Variants in CLSTN2 observed in about 807,000 individuals in gnomAD.
CLSTN2 encodes calsyntenin-2.
A neutral mutation model predicts 101.2 loss-of-function variants in CLSTN2; 48 were observed. That is an observed-to-expected ratio of 0.47 (90% CI 0.38 to 0.60). The LOEUF is 0.60. Among genes scored for constraint, CLSTN2 ranks in the 20% least tolerant of loss-of-function variants. The probability of loss-of-function intolerance (pLI) is 0.00; values close to 1 mark genes in which losing one functional copy is unlikely to be tolerated. For missense variants in CLSTN2, 1,160 were observed against 1,238.2 expected (o/e 0.94, Z 0.95); for synonymous variants, 481 against 463.6 (o/e 1.04, Z -0.48).
intron 1 of CLSTN2, among the ~76,000 whole-genome samples, chr3:140,071,040 A>G (rs2008383143): frequency 6.6e-6 from 1 of 152,196 alleles, no homozygotes. Flanking sequence ...GCCTTATCGA[A>G]TTTCAAATGT....
At chr3:139,939,100 A>T (rs1161175160) in intron 1 of CLSTN2, among the ~76,000 whole-genome samples, 1 of 152,202 alleles carries the variant, frequency 6.6e-6, no homozygotes, top group Admixed American at 6.5e-5. Flanking sequence ...GACACAGGCA[A>T]AGGAGATGGG....
chr3:140,099,968 G>A (rs1475908074), intron 1 of CLSTN2, among the ~76,000 whole-genome samples: 1 of 152,162 alleles, frequency 6.6e-6, no homozygotes, highest in Non-Finnish European at 1.5e-5. Flanking sequence ...ATCAGGTGTT[G>A]CAGGGCAATG....
At chr3:140,265,655 G>C (rs578096139) in intron 2 of CLSTN2, among the ~76,000 whole-genome samples, 1 of 152,294 alleles carries the variant, frequency 6.6e-6, no homozygotes, top group South Asian at 2.1e-4. Flanking sequence ...TGAAATAAAA[G>C]CCAGTTTTAT....
intron 2 of CLSTN2, among the ~76,000 whole-genome samples, chr3:140,369,513 T>C (rs1325069946): frequency 6.6e-6 from 1 of 152,178 alleles, no homozygotes; most frequent in Non-Finnish European, 1.5e-5. Flanking sequence ...GCTTGGGCAA[T>C]GCATTTGCTA....
chr3:140,047,914 G>A (rs2007912306), intron 1 of CLSTN2, among the ~76,000 whole-genome samples: 1 of 152,192 alleles, frequency 6.6e-6, no homozygotes, highest in Non-Finnish European at 1.5e-5. Context: ...TTTTGAAGTG[G>A]CCAAGTAGTC....
intron 2 of CLSTN2, among the ~76,000 whole-genome samples, chr3:140,324,235 C>T (rs1449164026): frequency 6.6e-6 from 1 of 152,134 alleles, no homozygotes; most frequent in African/African-American, 2.4e-5. Flanking sequence ...AATCTTGACC[C>T]TTTGTGTAGA....
intron 1 of CLSTN2, among the ~76,000 whole-genome samples, chr3:140,000,588 C>T (rs1164523089): frequency 6.6e-6 from 1 of 152,132 alleles, no homozygotes; most frequent in African/African-American, 2.4e-5. Context: ...TGTCAGGACC[C>T]AGATGAGTAT....
chr3:139,938,953 T>C (rs1294985675), intron 1 of CLSTN2, among the ~76,000 whole-genome samples: 2 of 152,104 alleles, frequency 1.3e-5, no homozygotes, highest in Non-Finnish European at 2.9e-5. Flanking sequence ...TTTTTTTAAT[T>C]TTTATTATTA....
chr3:140,178,857 G>C (rs965369340), intron 2 of CLSTN2, among the ~76,000 whole-genome samples: 3 of 152,130 alleles, frequency 2.0e-5, no homozygotes, highest in Admixed American at 2.0e-4. Context: ...TTTGTATTGT[G>C]TGTCAGTTTT....
intron 2 of CLSTN2, among the ~76,000 whole-genome samples, chr3:140,207,744 T>G (rs1008037438): frequency 6.6e-6 from 1 of 152,154 alleles, no homozygotes; most frequent in South Asian, 2.1e-4. Context: ...CTGGGTCAAG[T>G]GTATACATCG....
chr3:140,016,430 A>G (rs1251003761), intron 1 of CLSTN2, among the ~76,000 whole-genome samples: 2 of 152,212 alleles, frequency 1.3e-5, no homozygotes, highest in Non-Finnish European at 2.9e-5. Context: ...ATGGATTTGA[A>G]CAGTGAGCAT....
At chr3:140,438,277 A>G (rs867457495) in intron 5 of CLSTN2, among the ~76,000 whole-genome samples, 1 of 130,826 alleles carries the variant, frequency 7.6e-6, no homozygotes, top group South Asian at 2.4e-4. Flanking sequence ...ACCCTCACAC[A>G]TGGGGAATAG....
At chr3:140,030,768 T>C (rs1159436967) in intron 1 of CLSTN2, among the ~76,000 whole-genome samples, 1 of 152,234 alleles carries the variant, frequency 6.6e-6, no homozygotes, top group Non-Finnish European at 1.5e-5. Context: ...AGTTTTGGAA[T>C]TGTTAATTAA....
intron 1 of CLSTN2, among the ~76,000 whole-genome samples, chr3:140,127,853 GT>G (rs2009461370): frequency 6.6e-6 from 1 of 152,098 alleles, no homozygotes; most frequent in Non-Finnish European, 1.5e-5. Context: ...TTTCTCCTAT[GT>G]TATTTATGAG....
At chr3:140,225,210 T>C (rs2086307839) in intron 2 of CLSTN2, among the ~76,000 whole-genome samples, 1 of 152,178 alleles carries the variant, frequency 6.6e-6, no homozygotes, top group South Asian at 2.1e-4. Context: ...GGCCCTGCTA[T>C]CCCTGTAAAG....
chr3:139,978,030 T>A (rs934838741), intron 1 of CLSTN2, among the ~76,000 whole-genome samples: 1 of 152,064 alleles, frequency 6.6e-6, no homozygotes, highest in Admixed American at 6.5e-5. Flanking sequence ...GCAGGAACAT[T>A]CACATCTGGG....
At chr3:140,368,046 A>G (rs1456153976) in intron 2 of CLSTN2, among the ~76,000 whole-genome samples, 1 of 152,180 alleles carries the variant, frequency 6.6e-6, no homozygotes, top group African/African-American at 2.4e-5. Context: ...GGAAACTCCT[A>G]GGTGATGATT....
intron 1 of CLSTN2, among the ~76,000 whole-genome samples, chr3:140,006,161 G>A (rs1023056513): frequency 1.3e-5 from 2 of 152,140 alleles, no homozygotes; most frequent in Non-Finnish European, 2.9e-5. Context: ...TGGGTCCCAC[G>A]GTGTTAATAA....
At chr3:140,135,117 C>CACATATATATATATATAT (rs1488268767) in intron 1 of CLSTN2, among the ~76,000 whole-genome samples, 2 of 58,106 alleles carry the variant, frequency 3.4e-5, no homozygotes, top group Non-Finnish European at 6.0e-5. Context: ...CACACACACA[C>CACATATATATATATATAT]ATATATATAT....
Sources: gnomAD v4.1 joint callset for allele counts (sites outside exome capture counted in the v4.1 genomes callset) on GRCh38, gnomAD v4.1.1 for gene constraint, MANE v1.5 for transcripts, NCBI Gene and HGNC (gene_info 2026-07-23, HGNC 2026-07-21) for gene names.